PPP2R5A: variants seen among roughly 807,000 people sequenced by gnomAD.
The protein encoded by PPP2R5A is serine/threonine-protein phosphatase 2A 56 kDa regulatory subunit alpha isoform.
In PPP2R5A, 25 loss-of-function variants were observed where a neutral mutation model predicts 64.2. That is an observed-to-expected ratio of 0.39 (90% CI 0.28 to 0.54). The LOEUF is 0.54. Ranked by LOEUF, PPP2R5A falls within the 20% of genes least tolerant of loss-of-function variation. The pLI is 0.67. For synonymous variants in PPP2R5A, 198 were observed against 201.2 expected (o/e 0.98, Z 0.13); for missense variants, 425 against 576.3 (o/e 0.74, Z 2.69).
intron 1 of PPP2R5A, among the ~76,000 whole-genome samples, chr1:212,324,698 G>A (rs1558147882): frequency 1.3e-5 from 2 of 151,486 alleles, no homozygotes; most frequent in East Asian, 1.9e-4. Flanking sequence ...TCTGCCTCCC[G>A]GGTTCACGCC....
chr1:212,321,466 TCAGA>T (rs1659290979), intron 1 of PPP2R5A, among the ~76,000 whole-genome samples: 1 of 142,324 alleles, frequency 7.0e-6, no homozygotes, highest in Non-Finnish European at 1.5e-5. Flanking sequence ...TCCTCACTTC[TCAGA>T]CGGTGTGGCT....
chr1:212,343,808 G>A (rs1659728782), intron 4 of PPP2R5A, among the ~76,000 whole-genome samples: 1 of 152,190 alleles, frequency 6.6e-6, no homozygotes, highest in Admixed American at 6.5e-5. Context: ...AACAGGTTGA[G>A]GGGAACAATT....
chr1:212,337,963 T>C (rs1659617785), intron 3 of PPP2R5A, among the ~76,000 whole-genome samples: 1 of 152,196 alleles, frequency 6.6e-6, no homozygotes, highest in African/African-American at 2.4e-5. Flanking sequence ...AAACCTTATT[T>C]ACGTTTCCTC....
chr1:212,313,493 G>T (rs1177237596), intron 1 of PPP2R5A, among the ~76,000 whole-genome samples: 2 of 151,284 alleles, frequency 1.3e-5, no homozygotes, highest in African/African-American at 2.4e-5. Context: ...TATAGATTTT[G>T]GGTTTTTTTC....
At chr1:212,324,334 A>G (rs1373331573) in intron 1 of PPP2R5A, among the ~76,000 whole-genome samples, 1 of 152,174 alleles carries the variant, frequency 6.6e-6, no homozygotes, top group Non-Finnish European at 1.5e-5. Flanking sequence ...TACAGTAAAA[A>G]TAGGTTTATA....
chr1:212,347,438 T>G, intron 6 of PPP2R5A, 32 bp downstream of exon 6: 1 of 1,467,928 alleles, frequency 6.8e-7, no homozygotes, highest in Non-Finnish European at 9.5e-7. Flanking sequence ...TTTTTAAGAA[T>G]TAAGTAAGTG....
chr1:212,315,627 C>A (rs1276789976), intron 1 of PPP2R5A, among the ~76,000 whole-genome samples: 1 of 152,098 alleles, frequency 6.6e-6, no homozygotes, highest in African/African-American at 2.4e-5. Context: ...ATAAGCCAGG[C>A]TATATACTCA....
At chr1:212,334,951 T>C (rs773639326) in intron 3 of PPP2R5A, among the ~76,000 whole-genome samples, 1 of 152,142 alleles carries the variant, frequency 6.6e-6, no homozygotes, top group Non-Finnish European at 1.5e-5. Context: ...ATATTTTATT[T>C]ATTTTTGGTC....
chr1:212,350,478 AC>A (rs1659855544), intron 8 of PPP2R5A, among the ~76,000 whole-genome samples: 1 of 151,872 alleles, frequency 6.6e-6, no homozygotes, highest in African/African-American at 2.4e-5. Flanking sequence ...ACATGGTGAA[AC>A]CCTGTCTCTA....
chr1:212,317,644 C>T (rs920045211), intron 1 of PPP2R5A, among the ~76,000 whole-genome samples: 2 of 152,030 alleles, frequency 1.3e-5, no homozygotes, highest in Admixed American at 6.6e-5. Flanking sequence ...CCACCAATGG[C>T]GTGCAACCTA....
chr1:212,345,403 A>G (rs1318929018), intron 4 of PPP2R5A, among the ~76,000 whole-genome samples: 1 of 152,178 alleles, frequency 6.6e-6, no homozygotes, highest in African/African-American at 2.4e-5. Context: ...TTTTAAGACT[A>G]TTTGATGACT....
chr1:212,288,734 C>T (rs1658549293), intron 1 of PPP2R5A, among the ~76,000 whole-genome samples: 1 of 152,102 alleles, frequency 6.6e-6, no homozygotes, highest in Admixed American at 6.5e-5. Flanking sequence ...GTGGCCTTCA[C>T]AAAAACATGG....
chr1:212,299,845 C>T (rs1431973326), intron 1 of PPP2R5A, among the ~76,000 whole-genome samples: 2 of 150,718 alleles, frequency 1.3e-5, no homozygotes, highest in African/African-American at 4.9e-5. Context: ...CAGGGTCTCG[C>T]TCTGTCCCCC....
At chr1:212,318,852 G>A (rs1659207782) in intron 1 of PPP2R5A, among the ~76,000 whole-genome samples, 1 of 152,152 alleles carries the variant, frequency 6.6e-6, no homozygotes, top group East Asian at 1.9e-4. Context: ...TATACAGGAG[G>A]CTATGCATAG....
At chr1:212,289,765 A>G (rs1658568252) in intron 1 of PPP2R5A, among the ~76,000 whole-genome samples, 1 of 152,200 alleles carries the variant, frequency 6.6e-6, no homozygotes, top group Non-Finnish European at 1.5e-5. Flanking sequence ...ATATTTTTAA[A>G]TGAAGGATTA....
In PPP2R5A at chr1:212,315,279, G is replaced by A. The variant is rs1659124709; in HGVS notation, c.182-13856G>A. ...AAAACATACCTGAGTTTGTAAGGCAGAGGAATAGACTCAGACATTGAAAAT... is the reference window on the plus strand; with the variant it reads ...AAAACATACCTGAGTTTGTAAGGCAAAGGAATAGACTCAGACATTGAAAAT... On this transcript the variant is annotated intron_variant, in intron 1 of 12. Transcript: ENST00000261461. Among the ~76,000 whole-genome samples, 4 of 152,330 alleles carry A rather than the reference G, an allele frequency of 2.6e-5. No individual in the cohort carries two copies. In the South Asian group the frequency reaches 6.2e-4, roughly 24 times the overall value.
rs188427209 is a variant in PPP2R5A, at chr1:212,293,664, T to A, written c.181+7373T>A. Among the ~76,000 whole-genome samples, 37 of 152,288 alleles carry A rather than the reference T, an allele frequency of 2.4e-4. No individual in the cohort carries two copies. In the East Asian group the frequency reaches 6.7e-3, roughly 28 times the overall value. On this transcript the variant is annotated intron_variant, in intron 1 of 12. Transcript: ENST00000261461. ...AAGAATTTTAGAAATCCTGTAATTT[T>A]GATTGGGTTTGCTGAAGAAACATAC...
At chr1:212,339,978 C>G (rs1014166719) in intron 3 of PPP2R5A, among the ~76,000 whole-genome samples, 9 of 109,970 alleles carry the variant, frequency 8.2e-5, no homozygotes, top group African/African-American at 3.3e-4. Context: ...CTCTTCATCT[C>G]AAGACATGCT....
intron 8 of PPP2R5A, among the ~76,000 whole-genome samples, chr1:212,349,812 G>C (rs1207723566): frequency 6.6e-6 from 1 of 152,158 alleles, no homozygotes; most frequent in Non-Finnish European, 1.5e-5. Flanking sequence ...ATTCAGGAGA[G>C]AGTGAAAACA....
Sources: allele counts gnomAD v4.1 joint callset (sites outside exome capture counted in the v4.1 genomes callset), GRCh38; gene constraint gnomAD v4.1.1; transcripts MANE v1.5; gene names NCBI Gene and HGNC (gene_info 2026-07-23, HGNC 2026-07-21).